Variants in GPR15LG observed in about 807,000 individuals in gnomAD.
GPR15LG encodes the protein protein GPR15LG.
chr10:84,176,654 C>T, the GPR15LG span: 25 of 921,550 alleles, frequency 2.7e-5, no homozygotes, highest in Non-Finnish European at 4.1e-5. Context: ...TCAGCCCCCA[C>T]CCATGGCTGG....
the GPR15LG span, chr10:84,176,555 C>T: frequency 1.1e-5 from 17 of 1,613,752 alleles, no homozygotes; most frequent in Non-Finnish European, 1.4e-5. Context: ...AGCCCCAACT[C>T]AACAAACCTG....
chr10:84,184,619 C>T, the GPR15LG span: 1 of 1,534,266 alleles, frequency 6.5e-7, no homozygotes, highest in Non-Finnish European at 9.0e-7. Context: ...TCCCCACAAC[C>T]TGGCTCTGAC....
chr10:84,176,462 C>T, the GPR15LG span: 1 of 1,593,460 alleles, frequency 6.3e-7, no homozygotes, highest in Non-Finnish European at 8.6e-7. Flanking sequence ...GTCTCTCTTC[C>T]TTTGTGTCCA....
the GPR15LG span, among the ~76,000 whole-genome samples, chr10:84,182,932 T>C: frequency 2.0e-5 from 3 of 152,042 alleles, no homozygotes; most frequent in African/African-American, 7.2e-5. Context: ...TGGAAAATGC[T>C]CATGAAATGG....
chr10:84,184,687 A>C, the GPR15LG span: 27 of 1,613,926 alleles, frequency 1.7e-5, no homozygotes, highest in African/African-American at 3.2e-4. Flanking sequence ...CCAGGACATC[A>C]TGTGAGGCTC....
the GPR15LG span, among the ~76,000 whole-genome samples, chr10:84,180,791 G>A: frequency 6.6e-6 from 1 of 152,218 alleles, no homozygotes; most frequent in Non-Finnish European, 1.5e-5. Context: ...CTCCAGCCTG[G>A]GCAACATTGA....
chr10:84,176,549 C>T, the GPR15LG span: 1 of 1,613,968 alleles, frequency 6.2e-7, no homozygotes, highest in African/African-American at 1.3e-5. Flanking sequence ...GTCCCTAGCC[C>T]CAACTCAACA....
chr10:84,184,909 G>A, the GPR15LG span: 232 of 1,489,922 alleles, frequency 1.6e-4, no homozygotes, highest in Non-Finnish European at 1.4e-4. Context: ...AAGGACCCTG[G>A]GAAAGTTCCA....
chr10:84,181,544 C>G, the GPR15LG span, among the ~76,000 whole-genome samples: 1 of 152,164 alleles, frequency 6.6e-6, no homozygotes, highest in Non-Finnish European at 1.5e-5. Context: ...GCTTCAGCCT[C>G]CCCAGTAGCT....
At chr10:84,175,842 T>A in the GPR15LG span, among the ~76,000 whole-genome samples, 1 of 151,996 alleles carries the variant, frequency 6.6e-6, no homozygotes, top group African/African-American at 2.4e-5. Flanking sequence ...AAAAGGTATA[T>A]ATGTACATAA....
At chr10:84,184,532 C>T in the GPR15LG span, 1 of 825,774 alleles carries the variant, frequency 1.2e-6, no homozygotes, top group Non-Finnish European at 2.0e-6. Flanking sequence ...CAGGGAAAAG[C>T]ATAAGATCTA....
At chr10:84,183,923 G>A in the GPR15LG span, among the ~76,000 whole-genome samples, 1 of 152,080 alleles carries the variant, frequency 6.6e-6, no homozygotes, top group East Asian at 1.9e-4. Flanking sequence ...TAGGATTACA[G>A]GTGTGAGCCA....
chr10:84,177,059 C>T, the GPR15LG span, among the ~76,000 whole-genome samples: 5 of 152,200 alleles, frequency 3.3e-5, no homozygotes, highest in East Asian at 1.9e-4. Context: ...ATGCAGGTCA[C>T]CAGCAGGGGA....
the GPR15LG span, chr10:84,184,584 C>T: frequency 8.1e-7 from 1 of 1,232,886 alleles, no homozygotes; most frequent in Non-Finnish European, 1.2e-6. Context: ...TTTGAAAATG[C>T]AACTTAATTG....
chr10:84,183,013 C>A, the GPR15LG span, among the ~76,000 whole-genome samples: 1 of 149,604 alleles, frequency 6.7e-6, no homozygotes, highest in Non-Finnish European at 1.5e-5. Flanking sequence ...AAGATCAAAG[C>A]ACTTACCAAT....
At chr10:84,175,367 A>C in the GPR15LG span, among the ~76,000 whole-genome samples, 1 of 152,210 alleles carries the variant, frequency 6.6e-6, no homozygotes, top group Non-Finnish European at 1.5e-5. Context: ...TCCCCCATAA[A>C]GTTTCCTATC....
At chr10:84,174,753 G>A in the GPR15LG span, among the ~76,000 whole-genome samples, 1 of 152,098 alleles carries the variant, frequency 6.6e-6, no homozygotes, top group South Asian at 2.1e-4. Context: ...GCCTCCCAAA[G>A]TGCTGGGATT....
At chr10:84,184,981 A>G in the GPR15LG span, 1 of 1,393,750 alleles carries the variant, frequency 7.2e-7, no homozygotes, top group Non-Finnish European at 9.3e-7. Context: ...AGCCAACCTC[A>G]CCCCACAGGG....
the GPR15LG span, among the ~76,000 whole-genome samples, chr10:84,179,363 G>A: frequency 6.6e-6 from 1 of 152,314 alleles, no homozygotes; most frequent in African/African-American, 2.4e-5. Context: ...AGGGCTGCTG[G>A]CACAGGAGAT....
Sources: gnomAD v4.1 joint callset for allele counts (sites outside exome capture counted in the v4.1 genomes callset) on GRCh38, gnomAD v4.1.1 for gene constraint, MANE v1.5 for transcripts, NCBI Gene and HGNC (gene_info 2026-07-23, HGNC 2026-07-21) for gene names.